SYN3: variants seen among roughly 807,000 people sequenced by gnomAD.
SYN3 encodes synapsin III, also known as synapsin-3.
A neutral mutation model predicts 65.8 loss-of-function variants in SYN3; 35 were observed. The ratio of observed to expected loss-of-function variants is 0.53; its 90% confidence interval spans 0.41 to 0.70. The LOEUF (loss-of-function observed/expected upper bound fraction) is 0.70. Ranked by LOEUF, SYN3 falls within the 30% of genes least tolerant of loss-of-function variation. SYN3 has a pLI of 0.00. For synonymous variants in SYN3, 270 were observed against 292.9 expected, an observed-to-expected ratio of 0.92 and a Z score of 0.80; for missense variants, 680 against 749.0, an observed-to-expected ratio of 0.91 and a Z score of 1.08.
chr22:32,807,875 A>G (rs2046807697), intron 6 of SYN3, among the ~76,000 whole-genome samples: 1 of 152,092 alleles, frequency 6.6e-6, no homozygotes, highest in South Asian at 2.1e-4. Context: ...TATATGCAAC[A>G]TGAGGGGATG....
At chr22:32,895,448 A>G (rs137517) in intron 4 of SYN3, among the ~76,000 whole-genome samples, 149,419 of 152,272 alleles carry the variant, frequency 0.98, 73,320 homozygotes, top group East Asian at 1. Flanking sequence ...TGTTTCTCTG[A>G]AGAACTCAGA....
intron 6 of SYN3, among the ~76,000 whole-genome samples, chr22:32,824,860 T>C (rs2047355390): frequency 6.6e-6 from 1 of 152,204 alleles, no homozygotes; most frequent in African/African-American, 2.4e-5. Context: ...TGCAGAATAC[T>C]GATTGCCCAT....
At chr22:32,732,626 G>A (rs912396437) in intron 6 of SYN3, among the ~76,000 whole-genome samples, 29 of 152,338 alleles carry the variant, frequency 1.9e-4, no homozygotes, top group African/African-American at 6.7e-4. Flanking sequence ...AATTTCATCT[G>A]TAAAGTGAGG....
At chr22:32,798,939 C>T (rs895820777) in intron 6 of SYN3, among the ~76,000 whole-genome samples, 1 of 152,056 alleles carries the variant, frequency 6.6e-6, no homozygotes, top group African/African-American at 2.4e-5. Context: ...GATCCGCCCA[C>T]CTTGGCCTCT....
At chr22:32,720,904 C>T (rs574382655) in intron 6 of SYN3, among the ~76,000 whole-genome samples, 1 of 152,310 alleles carries the variant, frequency 6.6e-6, no homozygotes, top group East Asian at 1.9e-4. Context: ...TCTACCCCCA[C>T]CTCTCTGCAA....
intron 7 of SYN3, among the ~76,000 whole-genome samples, chr22:32,554,528 A>C (rs2058463141): frequency 6.6e-6 from 1 of 152,180 alleles, no homozygotes; most frequent in Admixed American, 6.5e-5. Flanking sequence ...TTAAAAATGC[A>C]AGCTCTCTGT....
chr22:32,535,656 T>G (rs2058150946), intron 9 of SYN3, among the ~76,000 whole-genome samples: 1 of 152,170 alleles, frequency 6.6e-6, no homozygotes. Flanking sequence ...GGCAGCTGTT[T>G]CCAGAGGCTG....
At chr22:32,728,707 G>A (rs1169078715) in intron 6 of SYN3, among the ~76,000 whole-genome samples, 7 of 152,210 alleles carry the variant, frequency 4.6e-5, no homozygotes, top group Admixed American at 4.6e-4. Context: ...TTACCCTTGA[G>A]GGAAACTGAG....
intron 6 of SYN3, among the ~76,000 whole-genome samples, chr22:32,752,034 T>C (rs922766766): frequency 6.6e-6 from 1 of 152,228 alleles, no homozygotes; most frequent in African/African-American, 2.4e-5. Context: ...TGATAACCTC[T>C]TGAGGGCAAG....
intron 10 of SYN3, among the ~76,000 whole-genome samples, chr22:32,529,598 G>A (rs549727746): frequency 2.0e-5 from 3 of 152,298 alleles, no homozygotes; most frequent in Admixed American, 2.0e-4. Flanking sequence ...TGAGGGATCC[G>A]AGTTTCCCCT....
At chr22:32,697,752 A>C (rs1261051101) in intron 6 of SYN3, among the ~76,000 whole-genome samples, 1 of 152,242 alleles carries the variant, frequency 6.6e-6, no homozygotes, top group Non-Finnish European at 1.5e-5. Flanking sequence ...CTGTGCATTC[A>C]CATTCACAGG....
intron 1 of SYN3, among the ~76,000 whole-genome samples, chr22:33,041,727 C>T (rs538965272): frequency 6.6e-6 from 1 of 152,168 alleles, no homozygotes; most frequent in Non-Finnish European, 1.5e-5. Context: ...GTGTCTGCTT[C>T]CTGGAATGCC....
At chr22:32,520,132 G>C (rs2057853101) in intron 12 of SYN3, among the ~76,000 whole-genome samples, 1 of 152,004 alleles carries the variant, frequency 6.6e-6, no homozygotes, top group African/African-American at 2.4e-5. Flanking sequence ...CGTGTATATA[G>C]GTATGTATGT....
chr22:32,875,602 CCCTA>C (rs1321313371), intron 4 of SYN3, among the ~76,000 whole-genome samples: 1 of 152,132 alleles, frequency 6.6e-6, no homozygotes, highest in Non-Finnish European at 1.5e-5. Context: ...GGAGAGTGAA[CCCTA>C]ACCCAATGAC....
chr22:32,766,246 T>G (rs1244120862), intron 6 of SYN3, among the ~76,000 whole-genome samples: 1 of 152,202 alleles, frequency 6.6e-6, no homozygotes, highest in Non-Finnish European at 1.5e-5. Context: ...GTGCTTTCCA[T>G]GACCCCAGCT....
intron 1 of SYN3, among the ~76,000 whole-genome samples, chr22:33,020,684 C>T (rs1224799976): frequency 6.6e-6 from 1 of 152,126 alleles, no homozygotes; most frequent in Non-Finnish European, 1.5e-5. Flanking sequence ...GAAAACAAAT[C>T]CTATATAAAA....
chr22:32,707,270 G>C (rs1480206949), intron 6 of SYN3, among the ~76,000 whole-genome samples: 1 of 152,150 alleles, frequency 6.6e-6, no homozygotes, highest in African/African-American at 2.4e-5. Context: ...AGCCTCCTCT[G>C]GAGCCAAGGG....
At chr22:32,578,922 C>A (rs1215171076) in intron 7 of SYN3, among the ~76,000 whole-genome samples, 2 of 152,118 alleles carry the variant, frequency 1.3e-5, no homozygotes, top group Non-Finnish European at 2.9e-5. Context: ...ATTATGTGCA[C>A]AAATAAGCAG....
intron 6 of SYN3, among the ~76,000 whole-genome samples, chr22:32,762,744 C>T (rs762759181): frequency 7.2e-5 from 11 of 152,208 alleles, no homozygotes; most frequent in Non-Finnish European, 1.2e-4. Flanking sequence ...CTTGGGGGCA[C>T]GCCCTGGTTC....
Sources: allele counts gnomAD v4.1 joint callset (sites outside exome capture counted in the v4.1 genomes callset), GRCh38; gene constraint gnomAD v4.1.1; transcripts MANE v1.5; gene names NCBI Gene and HGNC (gene_info 2026-07-23, HGNC 2026-07-21).